The following ANTXR1 variants were observed in gnomAD, a reference collection of about 807,000 sequenced individuals.
ANTXR1 encodes the protein anthrax toxin receptor 1.
Under a neutral mutation model 78.1 loss-of-function variants are expected in ANTXR1, and 19 were observed. That is an observed-to-expected ratio of 0.24 (90% CI 0.17 to 0.36). The LOEUF (loss-of-function observed/expected upper bound fraction) is 0.36, where lower values mean the gene tolerates loss of function less well. Ranked by LOEUF, ANTXR1 falls within the 10% of genes least tolerant of loss-of-function variation. The probability of loss-of-function intolerance (pLI) is 1.00; values close to 1 mark genes in which losing one functional copy is unlikely to be tolerated. For missense variants in ANTXR1, 518 were observed against 718.6 expected, an observed-to-expected ratio of 0.72 and a Z score of 3.19; for synonymous variants, 273 against 260.5, an observed-to-expected ratio of 1.05 and a Z score of -0.46.
At chr2:69,165,137 C>T (rs11686988) in intron 13 of ANTXR1, among the ~76,000 whole-genome samples, 30,936 of 152,032 alleles carry the variant, frequency 0.2, 4,495 homozygotes, top group East Asian at 0.49. Flanking sequence ...AGAAGCCCTC[C>T]AGGTGATTCT....
intron 17 of ANTXR1, among the ~76,000 whole-genome samples, chr2:69,217,537 T>C (rs967852425): frequency 5.3e-5 from 8 of 152,250 alleles, no homozygotes; most frequent in African/African-American, 1.9e-4. Flanking sequence ...TGACCCACTC[T>C]GAACTTGTAA....
chr2:69,237,453 G>C (rs2104528389), intron 17 of ANTXR1, among the ~76,000 whole-genome samples: 1 of 152,336 alleles, frequency 6.6e-6, no homozygotes, highest in African/African-American at 2.4e-5. Flanking sequence ...GAGCAAGACA[G>C]GGTCTCACTC....
Position 69,096,175 on chromosome 2 carries a change from A to G in ANTXR1, c.703+5256A>G, listed in dbSNP as rs532799294. 5.3e-5 allele frequency among the ~76,000 whole-genome samples: 8 copies of G among 151,396 alleles called. 1 individual carries two copies. In the South Asian group the frequency reaches 1.5e-3, roughly 28 times the overall value. ...CGGGAGGCTGAGGCAGGAGAATGGC[A>G]TGAACCCGGGAGGCAGAGCTTGCAG... On this transcript the variant is annotated intron_variant, in intron 9 of 17. Coordinates refer to ENST00000303714, the MANE Select transcript of ANTXR1 (RefSeq NM_032208.3).
intron 16 of ANTXR1, 131 bp from the exon 17 acceptor site, chr2:69,193,204 C>T (rs182563921): frequency 3.9e-5 from 30 of 768,210 alleles, no homozygotes; most frequent in East Asian, 3.7e-4. Context: ...AGTCACTAAT[C>T]CCATCATGAC....
chr2:69,178,283 A>G (rs1674185139), intron 14 of ANTXR1, among the ~76,000 whole-genome samples: 1 of 152,220 alleles, frequency 6.6e-6, no homozygotes, highest in African/African-American at 2.4e-5. Context: ...AAACAGACCC[A>G]TGCTAACTGC....
intron 17 of ANTXR1, among the ~76,000 whole-genome samples, chr2:69,223,243 A>G (rs927770896): frequency 3.9e-5 from 6 of 152,212 alleles, no homozygotes; most frequent in African/African-American, 1.4e-4. Flanking sequence ...TATAACTTGG[A>G]CATTAACAGA....
At chr2:69,117,942 C>T (rs970294298) in intron 10 of ANTXR1, among the ~76,000 whole-genome samples, 4 of 152,160 alleles carry the variant, frequency 2.6e-5, no homozygotes, top group Non-Finnish European at 5.9e-5. Context: ...GCGTTTAGCA[C>T]TCTGAGATAA....
At position 69,075,690 on chromosome 2, in the gene ANTXR1, A is replaced by G. The variant is rs763902607; in HGVS notation, c.561+32A>G. ...TAATGGATTTCCTCAGGTTTGGAGCATACTGAGCTTGTGAATCATGAAGAA... is the reference window on the plus strand; with the variant it reads ...TAATGGATTTCCTCAGGTTTGGAGCGTACTGAGCTTGTGAATCATGAAGAA... On this transcript the variant is annotated intron_variant, in intron 7 of 17. Transcript: ENST00000303714. 6 of 1,592,932 alleles carry G rather than the reference A, an allele frequency of 3.8e-6. No individual in the cohort carries two copies. The Admixed American group carries it at 1.0e-4, about 27-fold the overall frequency.
chr2:69,075,569 T>C, intron 6 of ANTXR1, 21 bp from the exon 7 acceptor site: 1 of 1,613,230 alleles, frequency 6.2e-7, no homozygotes. Flanking sequence ...CTTTCTAATG[T>C]CCTTTCTTTC....
chr2:69,141,427 G>C (rs1438457281), intron 12 of ANTXR1, among the ~76,000 whole-genome samples: 1 of 152,184 alleles, frequency 6.6e-6, no homozygotes, highest in Non-Finnish European at 1.5e-5. Flanking sequence ...GATTCTGAAG[G>C]ACAGGCAGTG....
chr2:69,070,019 A>G (rs1029778026), intron 3 of ANTXR1, among the ~76,000 whole-genome samples: 1 of 152,174 alleles, frequency 6.6e-6, no homozygotes, highest in African/African-American at 2.4e-5. Flanking sequence ...CAAAGATTCC[A>G]TTTGGCCCCC....
chr2:69,180,160 C>T (rs150527292), intron 14 of ANTXR1, among the ~76,000 whole-genome samples: 4 of 152,352 alleles, frequency 2.6e-5, no homozygotes, highest in African/African-American at 9.6e-5. Context: ...GCTTTGTCAC[C>T]TTTTGTCCTG....
At chr2:69,235,499 ACAATT>A (rs1189055849) in intron 17 of ANTXR1, among the ~76,000 whole-genome samples, 1 of 151,814 alleles carries the variant, frequency 6.6e-6, no homozygotes, top group African/African-American at 2.4e-5. Context: ...AATATACAAA[ACAATT>A]AGCCAGGTGT....
rs114908470 is a variant in ANTXR1, at chr2:69,198,988, G to T, written c.1434+5573G>T. Among the ~76,000 whole-genome samples, 1,223 of 152,208 alleles carry T rather than the reference G, an allele frequency of 8.0e-3. 15 individuals are homozygous for T. The highest frequency in any genetic ancestry group is 0.027 in the African/African-American group (1,131 of 41,518). On this transcript the variant is annotated intron_variant, in intron 17 of 17. Transcript: ENST00000303714. ...CTAGCCCCATAGGTAGAAACAATGG[G>T]GAAACAAATTTCATCAGAAAGAATT...
At chr2:69,180,316 C>T (rs1198391383) in intron 14 of ANTXR1, among the ~76,000 whole-genome samples, 2 of 152,246 alleles carry the variant, frequency 1.3e-5, no homozygotes, top group African/African-American at 2.4e-5. Flanking sequence ...CAATTTCTCC[C>T]TCTTTTGTTC....
chr2:69,179,798 G>A (rs1371919600), intron 14 of ANTXR1, among the ~76,000 whole-genome samples: 1 of 152,178 alleles, frequency 6.6e-6, no homozygotes, highest in Non-Finnish European at 1.5e-5. Context: ...GTGGTTGCAA[G>A]ATTAAAGGAT....
chr2:69,102,694 C>T, intron 9 of ANTXR1, 148 bp from the exon 10 acceptor site: 1 of 819,728 alleles, frequency 1.2e-6, no homozygotes, highest in Non-Finnish European at 2.1e-6. Context: ...GAAAGGAACC[C>T]ACCTGGTTGC....
intron 14 of ANTXR1, among the ~76,000 whole-genome samples, chr2:69,180,895 T>C (rs1674257578): frequency 6.6e-6 from 1 of 152,100 alleles, no homozygotes; most frequent in African/African-American, 2.4e-5. Context: ...AATCCATCCA[T>C]CAGAAGATGG....
At chr2:69,118,966 A>T (rs1672251243) in intron 10 of ANTXR1, among the ~76,000 whole-genome samples, 1 of 152,136 alleles carries the variant, frequency 6.6e-6, no homozygotes, top group Non-Finnish European at 1.5e-5. Flanking sequence ...TGGGAGGCTG[A>T]TACACTCGGA....
Sources: gnomAD v4.1 joint callset for allele counts (sites outside exome capture counted in the v4.1 genomes callset) on GRCh38, gnomAD v4.1.1 for gene constraint, MANE v1.5 for transcripts, NCBI Gene and HGNC (gene_info 2026-07-23, HGNC 2026-07-21) for gene names.